The following MEI4 variants were observed in gnomAD, a reference collection of about 807,000 sequenced individuals.
MEI4 encodes meiosis-specific protein MEI4.
A neutral mutation model predicts 31.4 loss-of-function variants in MEI4; 27 were observed. The ratio of observed to expected loss-of-function variants is 0.86; its 90% CI spans 0.63 to 1.19. The LOEUF is 1.19. MEI4 is among the 50% of genes most tolerant of loss of function. The pLI, the probability that MEI4 is intolerant of heterozygous loss-of-function variation, is 0.00. For synonymous variants in MEI4, 122 were observed against 145.4 expected (o/e 0.84, Z 1.16); for missense variants, 329 against 398.9 (o/e 0.82, Z 1.49).
At chr6:77,901,166 G>C (rs758480600) in intron 4 of MEI4, among the ~76,000 whole-genome samples, 1 of 151,912 alleles carries the variant, frequency 6.6e-6, no homozygotes, top group Admixed American at 6.6e-5. Context: ...GAATAATGCT[G>C]CAATGAATGT....
intron 2 of MEI4, among the ~76,000 whole-genome samples, chr6:77,734,412 G>C (rs977447765): frequency 2.0e-5 from 3 of 151,940 alleles, no homozygotes; most frequent in African/African-American, 4.8e-5. Context: ...TGTGTCTTTT[G>C]ATCTTTGTTG....
At chr6:77,863,088 C>T (rs1313670982) in intron 4 of MEI4, among the ~76,000 whole-genome samples, 1 of 106,544 alleles carries the variant, frequency 9.4e-6, no homozygotes, top group Non-Finnish European at 1.8e-5. Flanking sequence ...TCACCATCAT[C>T]AAACACCACA....
chr6:77,658,837 G>T (rs1372128713), intron 1 of MEI4, among the ~76,000 whole-genome samples: 2 of 152,160 alleles, frequency 1.3e-5, no homozygotes, highest in Non-Finnish European at 2.9e-5. Flanking sequence ...GAGTGCCCAA[G>T]GGGGTTCAGC....
At chr6:77,830,661 A>G (rs1770056536) in intron 4 of MEI4, among the ~76,000 whole-genome samples, 1 of 152,090 alleles carries the variant, frequency 6.6e-6, no homozygotes, top group African/African-American at 2.4e-5. Context: ...GCCAAAGGGC[A>G]GTATTTAATA....
At chr6:77,817,010 T>G (rs972318458) in intron 3 of MEI4, among the ~76,000 whole-genome samples, 1 of 150,422 alleles carries the variant, frequency 6.6e-6, no homozygotes, top group African/African-American at 2.5e-5. Flanking sequence ...ATGACACTAT[T>G]GTGTGTGTGT....
chr6:77,792,707 T>C (rs1768969815), intron 3 of MEI4, among the ~76,000 whole-genome samples: 1 of 151,938 alleles, frequency 6.6e-6, no homozygotes, highest in Admixed American at 6.6e-5. Context: ...TATCCAGTTT[T>C]CCCAACACTA....
intron 4 of MEI4, among the ~76,000 whole-genome samples, chr6:77,910,895 C>T (rs1766418712): frequency 6.8e-6 from 1 of 147,380 alleles, no homozygotes; most frequent in South Asian, 2.1e-4. Flanking sequence ...CATAAACATT[C>T]CTTTTTATCC....
rs763480127 is a variant in MEI4, at chr6:77,847,666, G to A, written c.900+18604G>A. ...GGAGCAGCCATTTCTTTCCTACTCC[G>A]ATCTTTGTATTATAGACATTAACAC... On this transcript the variant is annotated intron_variant, in intron 4 of 4. Transcript: ENST00000684080. This position sits in a 1 kb window ranked among gnomAD's most constrained non-coding sequence, Gnocchi z 4.6. Among the ~76,000 whole-genome samples, 13 of 152,186 alleles carry A rather than the reference G, an allele frequency of 8.5e-5. No homozygotes were observed. Among genetic ancestry groups the A allele is most frequent in the South Asian group, 6.2e-4 (3 of 4,822 alleles).
At chr6:77,791,152 T>C (rs1182135005) in intron 3 of MEI4, among the ~76,000 whole-genome samples, 5 of 152,100 alleles carry the variant, frequency 3.3e-5, no homozygotes, top group Admixed American at 2.6e-4. Flanking sequence ...GAACTAGAAA[T>C]ACCATTTGAC....
chr6:77,668,251 G>A lies in MEI4; in HGVS notation c.-15+15159G>A, dbSNP rs200271941. ...GGGGAGAGCATGAAGGTTTGCTTTA[G>A]GTCCTTGGAGGGTGATTTGGGAAAG... On this transcript the variant is annotated intron_variant, in intron 1 of 4. Coordinates refer to ENST00000684080, the MANE Select transcript of MEI4 (RefSeq NM_001322247.2). Among the ~76,000 whole-genome samples the A allele has an allele frequency of 4.6e-4, 70 of 152,260 alleles. No individual in the cohort carries two copies. The East Asian group carries it at 8.7e-3, about 19-fold the overall frequency.
chr6:77,687,800 G>A (rs964616798), intron 1 of MEI4, among the ~76,000 whole-genome samples: 1 of 152,086 alleles, frequency 6.6e-6, no homozygotes, highest in African/African-American at 2.4e-5. Flanking sequence ...TTCTAGGTGT[G>A]CCACCTTCTT....
intron 2 of MEI4, among the ~76,000 whole-genome samples, chr6:77,737,015 C>T (rs1008269356): frequency 1.3e-5 from 2 of 152,048 alleles, no homozygotes; most frequent in Non-Finnish European, 2.9e-5. Flanking sequence ...GCATACAGAG[C>T]ATGAGGAGGT....
intron 3 of MEI4, among the ~76,000 whole-genome samples, chr6:77,807,337 G>A (rs1466501356): frequency 6.6e-6 from 1 of 152,030 alleles, no homozygotes; most frequent in East Asian, 1.9e-4. Context: ...GAATTAGCTG[G>A]ACTTCATGTC....
At chr6:77,889,808 G>T (rs1044734774) in intron 4 of MEI4, among the ~76,000 whole-genome samples, 1 of 152,194 alleles carries the variant, frequency 6.6e-6, no homozygotes, top group Non-Finnish European at 1.5e-5. Context: ...ATAGTGCCCT[G>T]TGTCTCTGCT....
chr6:77,704,687 A>C (rs1452771897), intron 2 of MEI4, among the ~76,000 whole-genome samples: 3 of 152,186 alleles, frequency 2.0e-5, no homozygotes, highest in African/African-American at 4.8e-5. Context: ...GAGTTTGAGA[A>C]TCACTGGTTT....
intron 1 of MEI4, among the ~76,000 whole-genome samples, chr6:77,663,961 G>T (rs933317922): frequency 6.6e-6 from 1 of 152,226 alleles, no homozygotes; most frequent in African/African-American, 2.4e-5. Flanking sequence ...CGCGGCTTAA[G>T]AGGAATCCCG....
At chr6:77,682,687 T>G (rs1768981136) in intron 1 of MEI4, among the ~76,000 whole-genome samples, 1 of 152,182 alleles carries the variant, frequency 6.6e-6, no homozygotes, top group South Asian at 2.1e-4. Context: ...ATTCATTCAT[T>G]TACTCACTAC....
chr6:77,841,333 A>ATATATATATATATATTTTT, intron 4 of MEI4, among the ~76,000 whole-genome samples: 6 of 27,734 alleles, frequency 2.2e-4, no homozygotes, highest in South Asian at 1.2e-3. Flanking sequence ...ATATATATAT[A>ATATATATATATATATTTTT]TTTTTTTTTT....
intron 4 of MEI4, among the ~76,000 whole-genome samples, chr6:77,901,898 T>C (rs949162793): frequency 6.6e-6 from 1 of 152,116 alleles, no homozygotes; most frequent in Non-Finnish European, 1.5e-5. Flanking sequence ...TGGTGTGAGA[T>C]GAGTGTCTAA....
Sources: gnomAD v4.1 joint callset for allele counts (sites outside exome capture counted in the v4.1 genomes callset) on GRCh38, gnomAD v4.1.1 for gene constraint, Gnocchi (gnomAD v3.1) non-coding constraint, MANE v1.5 for transcripts, NCBI Gene and HGNC (gene_info 2026-07-23, HGNC 2026-07-21) for gene names.